The following ATXN7L1 variants were observed in gnomAD, a reference collection of about 807,000 sequenced individuals.
ATXN7L1 encodes ataxin-7-like protein 1.
In ATXN7L1, 15 loss-of-function variants were observed where a neutral mutation model predicts 70.8. That is an observed-to-expected ratio of 0.21 (90% CI 0.14 to 0.33). ATXN7L1 has a LOEUF of 0.33. ATXN7L1 is among the 10% of genes least tolerant of loss of function. The pLI, the probability that ATXN7L1 is intolerant of heterozygous loss-of-function variation, is 1.00. For synonymous variants in ATXN7L1, 440 were observed against 445.1 expected, an observed-to-expected ratio of 0.99 and a Z score of 0.14; for missense variants, 975 against 1,097.1, an observed-to-expected ratio of 0.89 and a Z score of 1.57.
chr7:105,697,056 T>C (rs1039562912), intron 3 of ATXN7L1, among the ~76,000 whole-genome samples: 1 of 152,062 alleles, frequency 6.6e-6, no homozygotes, highest in Non-Finnish European at 1.5e-5. Flanking sequence ...AACAGGGTAA[T>C]AGAATATCAC....
intron 2 of ATXN7L1, among the ~76,000 whole-genome samples, chr7:105,867,797 A>G (rs1247620312): frequency 6.6e-6 from 1 of 152,232 alleles, no homozygotes; most frequent in African/African-American, 2.4e-5. Context: ...ATTCTCTATC[A>G]GAGCGATTTG....
chr7:105,846,705 T>C (rs1418185833), intron 2 of ATXN7L1, among the ~76,000 whole-genome samples: 1 of 152,096 alleles, frequency 6.6e-6, no homozygotes, highest in Admixed American at 6.5e-5. Flanking sequence ...GTAAAAATAA[T>C]CCAAATGTCC....
intron 3 of ATXN7L1, among the ~76,000 whole-genome samples, chr7:105,710,620 C>T (rs1456406473): frequency 6.6e-6 from 1 of 151,748 alleles, no homozygotes; most frequent in East Asian, 1.9e-4. Flanking sequence ...ACTGTGTTAG[C>T]CAGGATGGTC....
intron 2 of ATXN7L1, among the ~76,000 whole-genome samples, chr7:105,789,392 A>C (rs1455086842): frequency 6.6e-6 from 1 of 152,218 alleles, no homozygotes; most frequent in African/African-American, 2.4e-5. Context: ...TAGGCAGACC[A>C]CCACACAAGT....
chr7:105,716,477 C>G (rs2116285880), intron 3 of ATXN7L1, among the ~76,000 whole-genome samples: 1 of 152,162 alleles, frequency 6.6e-6, no homozygotes, highest in Non-Finnish European at 1.5e-5. Context: ...AAAACCAAAC[C>G]AAACAAAAGT....
intron 3 of ATXN7L1, among the ~76,000 whole-genome samples, chr7:105,779,557 C>T (rs918835015): frequency 6.6e-6 from 1 of 152,132 alleles, no homozygotes; most frequent in African/African-American, 2.4e-5. Flanking sequence ...CATTTCTTTC[C>T]TTTGAGATTT....
chr7:105,734,835 C>G (rs1797205941), intron 3 of ATXN7L1, among the ~76,000 whole-genome samples: 1 of 145,714 alleles, frequency 6.9e-6, no homozygotes, highest in South Asian at 2.1e-4. Context: ...AGAGAGAATA[C>G]AAATATGGGA....
intron 2 of ATXN7L1, among the ~76,000 whole-genome samples, chr7:105,808,603 T>G (rs1807955190): frequency 6.6e-6 from 1 of 152,210 alleles, no homozygotes; most frequent in South Asian, 2.1e-4. Flanking sequence ...GCAGAGAGAA[T>G]TCCTTGTTAA....
rs542698566 is a variant in ATXN7L1, at chr7:105,785,838, C to A, written c.355+2766G>T. 2.0e-5 allele frequency among the ~76,000 whole-genome samples: 3 copies of A among 152,304 alleles called. No individual in the cohort carries two copies. In the East Asian group the frequency reaches 5.8e-4, roughly 29 times the overall value. ...GAAGTCTGCAACCTGGAAGACAGTCCTCGCCAGAATCTGACCTTGTTGGCA... is the reference window on the plus strand; with the variant it reads ...GAAGTCTGCAACCTGGAAGACAGTCATCGCCAGAATCTGACCTTGTTGGCA... On this transcript the variant is annotated intron_variant, in intron 3 of 11. Transcript: ENST00000419735.
At chr7:105,670,072 A>G (rs1695942826) in intron 3 of ATXN7L1, among the ~76,000 whole-genome samples, 1 of 152,200 alleles carries the variant, frequency 6.6e-6, no homozygotes, top group Admixed American at 6.5e-5. Flanking sequence ...AAAAAGACCT[A>G]TTCAATCTTT....
chr7:105,777,830 C>T (rs567734859), intron 3 of ATXN7L1, among the ~76,000 whole-genome samples: 1 of 152,328 alleles, frequency 6.6e-6, no homozygotes, highest in South Asian at 2.1e-4. Context: ...ACCCAACCTT[C>T]AGACTCTGTT....
intron 3 of ATXN7L1, among the ~76,000 whole-genome samples, chr7:105,707,654 T>G (rs951590346): frequency 6.6e-6 from 1 of 152,200 alleles, no homozygotes; most frequent in Non-Finnish European, 1.5e-5. Context: ...GCAACAACCC[T>G]ATCACCACTG....
intron 3 of ATXN7L1, among the ~76,000 whole-genome samples, chr7:105,671,104 CAAAAAAAAAAAA>C (rs71155469): frequency 8.9e-5 from 8 of 89,706 alleles, no homozygotes; most frequent in Middle Eastern, 5.8e-3. Context: ...GACTACGTCT[CAAAAAAAAAAAA>C]AAAAAAAAAA....
rs1180420312 is a variant in ATXN7L1 at position 105,611,887 on chromosome 7, C to A, written c.2473-1284G>T. On this transcript the variant is annotated intron_variant, in intron 10 of 11. Coordinates refer to ENST00000419735, the MANE Select transcript of ATXN7L1 (RefSeq NM_020725.2). Reference sequence around the variant, plus strand: ...GCCTTTACTGAATACTTGGAAATCACCAGTGATAAAGCCTTTTCTTAATGC... The same window carrying A: ...GCCTTTACTGAATACTTGGAAATCAACAGTGATAAAGCCTTTTCTTAATGC... Among the ~76,000 whole-genome samples, 12 of 152,316 alleles carry A rather than the reference C, an allele frequency of 7.9e-5. No homozygotes were observed. The South Asian group carries it at 2.1e-3, about 26-fold the overall frequency.
chr7:105,770,048 G>A (rs974632174), intron 3 of ATXN7L1, among the ~76,000 whole-genome samples: 3 of 152,228 alleles, frequency 2.0e-5, no homozygotes, highest in South Asian at 2.1e-4. Flanking sequence ...CCAGAAACAC[G>A]TGCACTGCAG....
chr7:105,790,644 AT>A (rs1277521028), intron 2 of ATXN7L1, among the ~76,000 whole-genome samples: 14 of 87,456 alleles, frequency 1.6e-4, no homozygotes, highest in East Asian at 7.5e-4. Flanking sequence ...CTATCTATCT[AT>A]CTATCTATCA....
At chr7:105,854,407 C>A (rs771272724) in intron 2 of ATXN7L1, among the ~76,000 whole-genome samples, 1 of 145,688 alleles carries the variant, frequency 6.9e-6, no homozygotes, top group Non-Finnish European at 1.5e-5. Context: ...CTGAACGGCT[C>A]GAGACAGATG....
At chr7:105,679,486 A>G (rs1365929819) in intron 3 of ATXN7L1, among the ~76,000 whole-genome samples, 9 of 152,222 alleles carry the variant, frequency 5.9e-5, no homozygotes, top group African/African-American at 2.2e-4. Flanking sequence ...CTTGATAGGC[A>G]GAGTCCACTT....
intron 3 of ATXN7L1, among the ~76,000 whole-genome samples, chr7:105,680,678 G>C (rs1289562051): frequency 6.6e-6 from 1 of 152,208 alleles, no homozygotes; most frequent in Admixed American, 6.5e-5. Flanking sequence ...GCAGGTCAAG[G>C]GCCCCTGGGC....
Sources: gnomAD v4.1 joint callset for allele counts (sites outside exome capture counted in the v4.1 genomes callset) on GRCh38, gnomAD v4.1.1 for gene constraint, MANE v1.5 for transcripts, NCBI Gene and HGNC (gene_info 2026-07-23, HGNC 2026-07-21) for gene names.